The following GALNT11 variants were observed in gnomAD, a reference collection of about 807,000 sequenced individuals.
The protein encoded by GALNT11 is UDP-GalNAc:polypeptide N-acetylgalactosaminyltransferase 11.
Under a neutral mutation model 72.7 loss-of-function variants are expected in GALNT11, and 47 were observed. That is an observed-to-expected ratio of 0.65 (90% confidence interval 0.51 to 0.82). The LOEUF (loss-of-function observed/expected upper bound fraction) is 0.82, where lower values mean the gene tolerates loss of function less well. GALNT11 is among the 40% of genes least tolerant of loss of function. The probability of loss-of-function intolerance (pLI) is 0.00; values close to 1 mark genes in which losing one functional copy is unlikely to be tolerated. For missense variants in GALNT11, 677 were observed against 778.4 expected (o/e 0.87, Z 1.55); for synonymous variants, 270 against 286.6 (o/e 0.94, Z 0.58).
intron 5 of GALNT11, 62 bp from the exon 6 acceptor site, chr7:152,107,976 G>T: frequency 6.4e-7 from 1 of 1,551,064 alleles, no homozygotes. Context: ...CCATTGGACG[G>T]GTGGTTGTAC....
chr7:152,089,626 T>C (rs1441594060), intron 1 of GALNT11, among the ~76,000 whole-genome samples: 1 of 152,120 alleles, frequency 6.6e-6, no homozygotes, highest in African/African-American at 2.4e-5. Context: ...TTATGCCAAA[T>C]AGGGAAGGGG....
At chr7:152,028,017 T>C (rs1480404294) in intron 1 of GALNT11, among the ~76,000 whole-genome samples, 1 of 152,226 alleles carries the variant, frequency 6.6e-6, no homozygotes, top group Non-Finnish European at 1.5e-5. Context: ...AGTAGGTTTG[T>C]GGTCTCACTG....
At chr7:152,084,119 G>A (rs1331932191) in intron 1 of GALNT11, among the ~76,000 whole-genome samples, 1 of 152,032 alleles carries the variant, frequency 6.6e-6, no homozygotes, top group Non-Finnish European at 1.5e-5. Context: ...GTGCCTGGTA[G>A]TTTGTTTTTG....
At chr7:152,027,994 G>T (rs368923855) in intron 1 of GALNT11, among the ~76,000 whole-genome samples, 2 of 152,160 alleles carry the variant, frequency 1.3e-5, no homozygotes, top group East Asian at 3.8e-4. Flanking sequence ...GTCGAGAGTT[G>T]TTTGTTCCTC....
At chr7:152,042,550 C>CA (rs1322103608) in intron 1 of GALNT11, among the ~76,000 whole-genome samples, 1 of 152,180 alleles carries the variant, frequency 6.6e-6, no homozygotes, top group African/African-American at 2.4e-5. Flanking sequence ...GGAGGCTTAA[C>CA]AATGGCCGCC....
At chr7:152,109,369 C>T (rs2087935160) in intron 6 of GALNT11, among the ~76,000 whole-genome samples, 1 of 152,198 alleles carries the variant, frequency 6.6e-6, no homozygotes, top group South Asian at 2.1e-4. Flanking sequence ...CCGTTTCAGA[C>T]AGGAAGTCAG....
chr7:152,106,676 CTT>C (rs34509284), intron 5 of GALNT11, among the ~76,000 whole-genome samples: 2 of 151,974 alleles, frequency 1.3e-5, no homozygotes, highest in Non-Finnish European at 2.9e-5. Flanking sequence ...TGTGAACTGA[CTT>C]TTTTTTAGAT....
Position 152,103,185 on chromosome 7 carries a change from T to G in GALNT11, c.493T>G (p.Ser165Ala). ...VVICFYNEAF[S>A]ALLRTVHSVI... ...TATCTGTTTCTATAATGAAGCGTTT[T>G]CTGCCTTGCTTCGGACAGTGCACAG... Residue 165 changes from serine to alanine, a missense_variant, in exon 4 of 12, where the codon TCT (serine) becomes GCT (alanine). Coordinates refer to ENST00000430044, the MANE Select transcript of GALNT11 (RefSeq NM_022087.4). 3.1e-6 allele frequency: 5 copies of G among 1,613,402 alleles called. No individual in the cohort carries two copies. Among genetic ancestry groups the G allele is most frequent in the Non-Finnish European group, 4.2e-6 (5 of 1,179,596 alleles).
At chr7:152,114,108 G>A (rs551600967) in intron 8 of GALNT11, among the ~76,000 whole-genome samples, 200 of 151,806 alleles carry the variant, frequency 1.3e-3, no homozygotes, top group Non-Finnish European at 2.3e-3. Flanking sequence ...ACCCAATCCC[G>A]TTTCTTCCCC....
chr7:152,103,597 A>G (rs968717848), intron 4 of GALNT11: 1 of 248,942 alleles, frequency 4.0e-6, no homozygotes, highest in African/African-American at 2.2e-5. Flanking sequence ...TTGCTCCATC[A>G]TAAAATTCCC....
chr7:152,085,955 T>A (rs551491263), intron 1 of GALNT11, among the ~76,000 whole-genome samples: 1 of 151,584 alleles, frequency 6.6e-6, no homozygotes, highest in South Asian at 2.1e-4. Context: ...TAGTGCAACC[T>A]CGGCTCACTG....
chr7:152,063,365 A>G (rs531432705), intron 1 of GALNT11, among the ~76,000 whole-genome samples: 6 of 152,054 alleles, frequency 3.9e-5, no homozygotes, highest in Admixed American at 2.0e-4. Flanking sequence ...TTTCTTCATT[A>G]GTCTTGCTAG....
At chr7:152,047,442 C>T (rs571442397) in intron 1 of GALNT11, among the ~76,000 whole-genome samples, 9 of 151,838 alleles carry the variant, frequency 5.9e-5, no homozygotes, top group East Asian at 3.9e-4. Flanking sequence ...CCAGCCTGGG[C>T]GACAAGAGGG....
At chr7:152,052,579 A>T (rs1211801309) in intron 1 of GALNT11, among the ~76,000 whole-genome samples, 1 of 151,852 alleles carries the variant, frequency 6.6e-6, no homozygotes, top group Non-Finnish European at 1.5e-5. Context: ...CTCTCTTCTC[A>T]CCTGTCTTAG....
At chr7:152,080,907 T>C (rs1309839203) in intron 1 of GALNT11, among the ~76,000 whole-genome samples, 4 of 151,946 alleles carry the variant, frequency 2.6e-5, no homozygotes, top group African/African-American at 4.8e-5. Flanking sequence ...GAGGCAGAGG[T>C]TGCAGTGAGC....
intron 1 of GALNT11, among the ~76,000 whole-genome samples, chr7:152,053,822 AC>A (rs1454766121): frequency 3.3e-5 from 5 of 152,196 alleles, no homozygotes; most frequent in Non-Finnish European, 7.3e-5. Context: ...AAATAAATAA[AC>A]CTTTTGTCTG....
intron 1 of GALNT11, among the ~76,000 whole-genome samples, chr7:152,067,524 C>T (rs545531776): frequency 3.7e-4 from 56 of 152,230 alleles, no homozygotes; most frequent in Middle Eastern, 3.4e-3. Context: ...GTCACAGCTA[C>T]GGCTATTACG....
At chr7:152,055,520 CGTGTGTGTGT>C (rs3031460) in intron 1 of GALNT11, among the ~76,000 whole-genome samples, 6,488 of 136,448 alleles carry the variant, frequency 0.048, 355 homozygotes, top group African/African-American at 0.13. Flanking sequence ...ATATATAAAG[CGTGTGTGTGT>C]GTGTGTGTGT....
At chr7:152,105,464 A>G (rs1186855391) in intron 5 of GALNT11, 94 bp downstream of exon 5, 7 of 1,502,622 alleles carry the variant, frequency 4.7e-6, no homozygotes, top group African/African-American at 4.2e-5. Flanking sequence ...TATGAAGAGT[A>G]GTGTTTCAAA....
Sources: allele counts gnomAD v4.1 joint callset (sites outside exome capture counted in the v4.1 genomes callset), GRCh38; gene constraint gnomAD v4.1.1; transcripts MANE v1.5; gene names NCBI Gene and HGNC (gene_info 2026-07-23, HGNC 2026-07-21).